Variants in KHSRP observed in about 807,000 individuals in gnomAD.
KHSRP encodes far upstream element-binding protein 2.
A neutral mutation model predicts 94.9 loss-of-function variants in KHSRP; 13 were observed. The ratio of observed to expected loss-of-function variants is 0.14; its 90% CI spans 0.09 to 0.22. The LOEUF (loss-of-function observed/expected upper bound fraction) is 0.22, where lower values mean the gene tolerates loss of function less well. Among genes scored for constraint, KHSRP ranks in the 10% least tolerant of loss-of-function variants. The probability of loss-of-function intolerance (pLI) is 1.00; values close to 1 mark genes in which losing one functional copy is unlikely to be tolerated. For missense variants in KHSRP, 710 were observed against 1,010.0 expected (o/e 0.70, Z 4.03); for synonymous variants, 495 against 401.4 (o/e 1.23, Z -2.79).
In KHSRP at chr19:6,418,904, C is replaced by T. The variant is rs766898772; in HGVS notation, c.606-28G>A. Reference sequence around the variant, plus strand: ...GGGAAGGGGAGGAGCGGGGGATGAGCGGGTGCCACCGCTGGAGAAAGGTAC... The same window carrying T: ...GGGAAGGGGAGGAGCGGGGGATGAGTGGGTGCCACCGCTGGAGAAAGGTAC... On this transcript the variant is annotated intron_variant, in intron 7 of 18. Transcript: ENST00000600480. The surrounding 1 kb of genome is among the most constrained non-coding windows in gnomAD (Gnocchi z 4.3). 1.1e-4 allele frequency: 168 copies of T among 1,517,696 alleles called. No homozygotes were observed. Among genetic ancestry groups the T allele is most frequent in the Middle Eastern group, 4.9e-4 (2 of 4,086 alleles). The allele number at this position is 1,517,696 out of a possible 1,614,324, so 94.0% of individuals were successfully genotyped here. A position where few individuals can be genotyped will look rare whatever the true frequency, so the allele number is the denominator to read the frequency against.
At chr19:6,423,084 G>A (rs139750157) in intron 1 of KHSRP, among the ~76,000 whole-genome samples, 10 of 152,166 alleles carry the variant, frequency 6.6e-5, no homozygotes, top group African/African-American at 2.4e-4. Context: ...GTTCGAGACA[G>A]ACTGGCTGAC....
Position 6,418,679 on chromosome 19 carries a change from AGCTGCCCAGGT to A in KHSRP, c.780+12_780+22del, listed in dbSNP as rs1252749193. On this transcript the variant is annotated intron_variant, in intron 8 of 18. Coordinates refer to ENST00000600480, the MANE Select transcript of KHSRP (RefSeq NM_001366299.1). The surrounding 1 kb of genome is among the most constrained non-coding windows in gnomAD (Gnocchi z 4.3). The stretch of plus-strand genomic sequence containing the variant: ...GGGTGTGGCACACGGATGCAGAGGA[AGCTGCCCAGGT>A]GCTGCCCTCACCTGCAGCTGCTTAA... The A allele has an allele frequency of 2.5e-6, 4 of 1,613,772 alleles. 1 individual carries two copies. Among genetic ancestry groups the A allele is most frequent in the East Asian group, 2.2e-5 (1 of 44,888 alleles).
Position 6,420,477 on chromosome 19 carries a change from A to C in KHSRP, c.426-6T>G. The C allele has an allele frequency of 6.2e-7, 1 of 1,613,858 alleles. No homozygotes were observed. The highest frequency in any genetic ancestry group is 1.3e-5 in the African/African-American group (1 of 75,052). On this transcript the variant is annotated splice_region_variant and splice_polypyrimidine_tract_variant and intron_variant, in intron 4 of 18. Coordinates refer to ENST00000600480, the MANE Select transcript of KHSRP (RefSeq NM_001366299.1). Reference sequence around the variant, plus strand: ...ACTCTTCTGTCATTGAAGTCCTGTAAAGAGACACGCCAAAGGTCAGTCCTC... The same window carrying C: ...ACTCTTCTGTCATTGAAGTCCTGTACAGAGACACGCCAAAGGTCAGTCCTC...
At position 6,418,364 on chromosome 19, in the gene KHSRP, G is replaced by T; in HGVS notation, c.879+119C>A. On this transcript the variant is annotated intron_variant, in intron 9 of 18. Transcript: ENST00000600480. The surrounding 1 kb of genome is among the most constrained non-coding windows in gnomAD (Gnocchi z 4.3). ...GAGCCAGCGCTCTTGCAAGCCTCTT[G>T]GTGTTATGACCGACTGTTCACATAT... is the stretch of plus-strand genomic sequence containing the variant. 1 of 754,298 alleles carries T rather than the reference G, an allele frequency of 1.3e-6. No individual in the cohort carries two copies. Among genetic ancestry groups the T allele is most frequent in the African/African-American group, 1.7e-5 (1 of 57,502 alleles). The allele number at this position is 754,298 out of a possible 1,614,324, so 46.7% of individuals were successfully genotyped here.
chr19:6,417,881 C>G, intron 10 of KHSRP, 40 bp from the exon 11 acceptor site: 4 of 1,600,522 alleles, frequency 2.5e-6, no homozygotes, highest in Non-Finnish European at 3.4e-6. Flanking sequence ...GCCCGCAGCT[C>G]TGCTGCCCTC....
chr19:6,417,854 G>C lies in KHSRP; in HGVS notation c.979-13C>G, dbSNP rs765988452. 1 of 1,612,340 alleles carries C rather than the reference G, an allele frequency of 6.2e-7. No homozygotes were observed. The highest frequency in any genetic ancestry group is 1.7e-5 in the Admixed American group (1 of 59,932). On this transcript the variant is annotated splice_polypyrimidine_tract_variant and intron_variant, in intron 10 of 18. Coordinates refer to ENST00000600480, the MANE Select transcript of KHSRP (RefSeq NM_001366299.1). The stretch of plus-strand genomic sequence containing the variant: ...TGGGCACTGGCACCTGGGGAGGGAG[G>C]CAGCAGCGTCAGCTCGGCCCGCAGC...
In KHSRP at chr19:6,416,967, C is replaced by T; in HGVS notation, c.1182+20G>A. 1 of 1,613,626 alleles carries T rather than the reference C, an allele frequency of 6.2e-7. No homozygotes were observed. On this transcript the variant is annotated intron_variant, in intron 12 of 18. Transcript: ENST00000600480. Reference sequence around the variant, plus strand: ...CCCCTGGAGGCCCTGCCAGCCCCTTCAGCACCCGGGGCCACCTACCCTGAG... The same window carrying T: ...CCCCTGGAGGCCCTGCCAGCCCCTTTAGCACCCGGGGCCACCTACCCTGAG...
intron 5 of KHSRP, 78 bp downstream of exon 5, chr19:6,420,344 T>C (rs561838795): frequency 8.5e-5 from 122 of 1,436,184 alleles, no homozygotes; most frequent in Non-Finnish European, 1.1e-4. Context: ...GACCAGGGCT[T>C]CTGGGCTGGC....
At position 6,418,436 on chromosome 19, in the gene KHSRP, G is replaced by C; in HGVS notation, c.879+47C>G. ...CCGAGACCGCTGGCCCTGCCCACCT[G>C]CCCGTGCCTCTCCAGAACCCCCTCC... is the stretch of plus-strand genomic sequence containing the variant. On this transcript the variant is annotated intron_variant, in intron 9 of 18. Transcript: ENST00000600480. The surrounding 1 kb of genome is among the most constrained non-coding windows in gnomAD (Gnocchi z 4.3). 1.4e-6 allele frequency: 2 copies of C among 1,412,514 alleles called. No homozygotes were observed. Among genetic ancestry groups the C allele is most frequent in the Non-Finnish European group, 2.0e-6 (2 of 1,003,364 alleles). The allele number at this position is 1,412,514 out of a possible 1,614,324, so 87.5% of individuals were successfully genotyped here.
chr19:6,415,216 C>T lies in KHSRP; in HGVS notation c.2052G>A (p.Gln684=). ...YSAAWAEYYR[Q]QAAYYGQTPG... ...GGGTCTGTCCGTAGTAAGCGGCCTGCTGTCTGTAATATTCCGCCCAGGCGG... is the reference window on the plus strand; with the variant it reads ...GGGTCTGTCCGTAGTAAGCGGCCTGTTGTCTGTAATATTCCGCCCAGGCGG... Residue 684 remains glutamine (Q), a synonymous_variant, in exon 19 of 19, where the codon CAG becomes CAA. Coordinates refer to ENST00000600480, the MANE Select transcript of KHSRP (RefSeq NM_001366299.1). The T allele has an allele frequency of 6.2e-7, 1 of 1,612,456 alleles. No individual in the cohort carries two copies. Among genetic ancestry groups the T allele is most frequent in the Non-Finnish European group, 8.5e-7 (1 of 1,179,820 alleles).
At position 6,415,463 on chromosome 19, in the gene KHSRP, C is replaced by T. The variant is rs763452593; in HGVS notation, c.1889-6G>A. ...GGGCTGCTGGGGCTGCTGGCCTGTG[C>T]GGGCGCCGAGACAGGTCAGAAACCA... On this transcript the variant is annotated splice_polypyrimidine_tract_variant and splice_region_variant and intron_variant, in intron 17 of 18. Coordinates refer to ENST00000600480, the MANE Select transcript of KHSRP (RefSeq NM_001366299.1). 48 of 1,556,334 alleles carry T rather than the reference C, an allele frequency of 3.1e-5. No homozygotes were observed. The highest frequency in any genetic ancestry group is 9.5e-5 in the South Asian group (8 of 84,540).
chr19:6,417,529 TAGG>T (rs2092158231), intron 11 of KHSRP, among the ~76,000 whole-genome samples: 1 of 152,066 alleles, frequency 6.6e-6, no homozygotes, highest in South Asian at 2.1e-4. Context: ...CTGATAGGGA[TAGG>T]AACACACGTT....
At chr19:6,415,773 A>T in intron 16 of KHSRP, 35 bp downstream of exon 16, 2 of 1,552,730 alleles carry the variant, frequency 1.3e-6, no homozygotes, top group East Asian at 2.4e-5. Context: ...GGGACAGAAC[A>T]GGGCCTGCCC....
intron 1 of KHSRP, among the ~76,000 whole-genome samples, chr19:6,423,451 C>T (rs984373337): frequency 1.3e-5 from 2 of 152,236 alleles, no homozygotes; most frequent in African/African-American, 4.8e-5. Context: ...CATTTTTCTA[C>T]GCTGCCCTAG....
intron 2 of KHSRP, 135 bp downstream of exon 2, chr19:6,422,205 C>A: frequency 1.6e-6 from 1 of 614,082 alleles, no homozygotes. Context: ...GAAGAATTAA[C>A]AAGGCCGGGA....
chr19:6,418,534 A>G lies in KHSRP; in HGVS notation c.828T>C (p.Asn276=), dbSNP rs1449120984. 2 of 1,613,982 alleles carry G rather than the reference A, an allele frequency of 1.2e-6. No individual in the cohort carries two copies. Among genetic ancestry groups the G allele is most frequent in the Non-Finnish European group, 1.7e-6 (2 of 1,179,890 alleles). ...TGCGGAGAGGTTTGTCCACATTCGTATTCTGAGATCCGTCCTGAATTAAGA... is the reference window on the plus strand; with the variant it reads ...TGCGGAGAGGTTTGTCCACATTCGTGTTCTGAGATCCGTCCTGAATTAAGA... ...KMILIQDGSQ[N]TNVDKPLRII... is the part of the protein sequence containing the mutation. Residue 276 remains asparagine, a synonymous_variant, in exon 9 of 19, where the codon AAT becomes AAC. Coordinates refer to ENST00000600480, the MANE Select transcript of KHSRP (RefSeq NM_001366299.1). This position sits in a 1 kb window ranked among gnomAD's most constrained non-coding sequence, Gnocchi z 4.3.
Position 6,417,838 on chromosome 19 carries a change from G to A in KHSRP, c.982C>T (p.Pro328Ser). Residue 328 changes from proline to serine, a missense_variant, in exon 11 of 19, where the codon CCA (proline) becomes TCA (serine). Physicochemically the swap from Pro to Ser is moderately conservative, Grantham distance 74. This residue lies in a region of KHSRP where 288 missense variants were observed against 501.1 expected (regional missense o/e 0.57). Coordinates refer to ENST00000600480, the MANE Select transcript of KHSRP (RefSeq NM_001366299.1). ...GSRIGGGIDV[P>S]VPRHSVGVVI... The stretch of plus-strand genomic sequence containing the variant: ...ACGCCAACAGAATGCCTGGGCACTG[G>A]CACCTGGGGAGGGAGGCAGCAGCGT... 3 of 1,613,590 alleles carry A rather than the reference G, an allele frequency of 1.9e-6. No individual in the cohort carries two copies. Among genetic ancestry groups the A allele is most frequent in the Non-Finnish European group, 2.5e-6 (3 of 1,179,614 alleles).
chr19:6,421,525 C>T, intron 3 of KHSRP, 125 bp downstream of exon 3: 1 of 1,154,162 alleles, frequency 8.7e-7, no homozygotes, highest in African/African-American at 1.5e-5. Context: ...AACGTATGGG[C>T]CCCAGAATGA....
chr19:6,414,429 C>G lies in KHSRP; in HGVS notation c.*595G>C. 2 of 1,253,820 alleles carry G rather than the reference C, an allele frequency of 1.6e-6. No homozygotes were observed. Among genetic ancestry groups the G allele is most frequent in the Non-Finnish European group, 2.0e-6 (2 of 996,616 alleles). The allele number at this position is 1,253,820 out of a possible 1,614,324, so 77.7% of individuals were successfully genotyped here. A position where few individuals can be genotyped will look rare whatever the true frequency, so the allele number is the denominator to read the frequency against. On this transcript the variant is annotated 3_prime_UTR_variant, in exon 19 of 19. Coordinates refer to ENST00000600480, the MANE Select transcript of KHSRP (RefSeq NM_001366299.1). ...CCTGTCTCCGGAGGGCGGTGGCTCCCGGCGCAGCACGACGACATGAACAAT... is the reference window on the plus strand; with the variant it reads ...CCTGTCTCCGGAGGGCGGTGGCTCCGGGCGCAGCACGACGACATGAACAAT...
Sources: allele counts gnomAD v4.1 joint callset (sites outside exome capture counted in the v4.1 genomes callset), GRCh38; gene constraint gnomAD v4.1.1; regional missense constraint gnomAD v4.1.1; non-coding constraint Gnocchi (gnomAD v3.1); transcripts MANE v1.5; gene names NCBI Gene and HGNC (gene_info 2026-07-23, HGNC 2026-07-21).